Variants in MCM3AP observed in about 807,000 individuals in gnomAD.
MCM3AP encodes germinal-center associated nuclear protein.
Under a neutral mutation model 184.1 loss-of-function variants are expected in MCM3AP, and 126 were observed. The ratio of observed to expected loss-of-function variants is 0.68; its 90% CI spans 0.59 to 0.79. MCM3AP has a LOEUF of 0.79. MCM3AP is among the 30% of genes least tolerant of loss of function. The pLI is 0.00. For synonymous variants in MCM3AP, 1,002 were observed against 979.3 expected, an observed-to-expected ratio of 1.02 and a Z score of -0.43; for missense variants, 2,496 against 2,479.2, an observed-to-expected ratio of 1.01 and a Z score of -0.14.
intron 24 of MCM3AP, 41 bp from the exon 25 acceptor site, chr21:46,242,972 G>A: frequency 1.4e-6 from 2 of 1,460,850 alleles, no homozygotes; most frequent in Non-Finnish European, 1.8e-6. Context: ...GGCCAGCCTG[G>A]CCAACCCTGT....
At chr21:46,264,517 G>C (rs1423206598) in intron 12 of MCM3AP, among the ~76,000 whole-genome samples, 1 of 152,196 alleles carries the variant, frequency 6.6e-6, no homozygotes, top group Admixed American at 6.5e-5. Context: ...CTGATCCCCA[G>C]ATGGGCTGGT....
At chr21:46,263,780 CAAAAAAAAAAAAAAAAAAAA>C (rs57674256) in intron 13 of MCM3AP, among the ~76,000 whole-genome samples, 2 of 28,316 alleles carry the variant, frequency 7.1e-5, no homozygotes, top group African/African-American at 1.8e-4. Context: ...GACTCCATCT[CAAAAAAAAAAAAAAAAAAAA>C]AAAAAAAAAA....
intron 2 of MCM3AP, among the ~76,000 whole-genome samples, chr21:46,281,564 G>T (rs868079780): frequency 2.0e-5 from 3 of 152,160 alleles, no homozygotes; most frequent in Middle Eastern, 3.2e-3. Flanking sequence ...GCTCATGCCC[G>T]TTATCCTAGC....
At chr21:46,256,521 CAG>C in intron 17 of MCM3AP, 1 of 510,444 alleles carries the variant, frequency 2.0e-6, no homozygotes, top group African/African-American at 1.9e-5. Flanking sequence ...ACACGTGATG[CAG>C]AGTCAGACTC....
intron 2 of MCM3AP, 96 bp downstream of exon 2, chr21:46,283,519 A>G: frequency 1.4e-6 from 1 of 735,330 alleles, no homozygotes; most frequent in Non-Finnish European, 2.3e-6. Context: ...TCTATATTAT[A>G]GTAAGCAAAC....
chr21:46,239,283 C>T (rs1379769022), intron 26 of MCM3AP, among the ~76,000 whole-genome samples: 2 of 152,208 alleles, frequency 1.3e-5, no homozygotes, highest in Non-Finnish European at 1.5e-5. Flanking sequence ...GCAAGTGACA[C>T]GACCTCCATC....
intron 27 of MCM3AP, 47 bp from the exon 28 acceptor site, chr21:46,235,473 C>G (rs564371555): frequency 8.5e-6 from 13 of 1,521,914 alleles, no homozygotes; most frequent in Non-Finnish European, 1.2e-5. Context: ...TGTCAATAAA[C>G]CACGACCTAT....
chr21:46,264,070 A>C, intron 13 of MCM3AP, 47 bp downstream of exon 13: 1 of 1,332,088 alleles, frequency 7.5e-7, no homozygotes, highest in Admixed American at 1.8e-5. Flanking sequence ...GACTGGGTGC[A>C]GCTCCCCGCA....
chr21:46,270,177 C>T, intron 9 of MCM3AP: 1 of 393,932 alleles, frequency 2.5e-6, no homozygotes, highest in Non-Finnish European at 4.5e-6. Flanking sequence ...CTTATTTGAA[C>T]CATGGAACAG....
chr21:46,262,304 T>G (rs1189584155), intron 13 of MCM3AP, among the ~76,000 whole-genome samples: 1 of 152,244 alleles, frequency 6.6e-6, no homozygotes, highest in Admixed American at 6.5e-5. Flanking sequence ...ACTCATTTTA[T>G]GAGGCTAGCA....
At chr21:46,273,287 T>C (rs2081207050) in intron 7 of MCM3AP, 101 bp downstream of exon 7, 1 of 1,189,656 alleles carries the variant, frequency 8.4e-7, no homozygotes, top group Non-Finnish European at 1.2e-6. Flanking sequence ...CAAAAGTACA[T>C]TTTTGTTACA....
rs1197608324 is a variant in MCM3AP, at chr21:46,277,523, AT to A, written c.1858+3del. On this transcript the variant is annotated splice_donor_region_variant and intron_variant, in intron 5 of 27. Transcript: ENST00000291688. ...CCTAGAACCTCTGCCACCAAGTGCC[AT>A]ACCTTGCCGCATGATCCTGTCTCTC... is the stretch of plus-strand genomic sequence containing the variant. The A allele has an allele frequency of 6.4e-7, 1 of 1,561,770 alleles. No homozygotes were observed. The highest frequency in any genetic ancestry group is 2.3e-5 in the East Asian group (1 of 42,714).
chr21:46,242,742 T>C, intron 25 of MCM3AP, 60 bp downstream of exon 25: 1 of 1,547,582 alleles, frequency 6.5e-7, no homozygotes, highest in Non-Finnish European at 8.7e-7. Context: ...AATTTCTATT[T>C]ACTTTGCAAG....
In MCM3AP at chr21:46,283,835, G is replaced by C. The variant is rs1601551549; in HGVS notation, c.1223C>G (p.Ser408Cys). 1 of 1,611,204 alleles carries C rather than the reference G, an allele frequency of 6.2e-7. No individual in the cohort carries two copies. Among genetic ancestry groups the C allele is most frequent in the South Asian group, 1.1e-5 (1 of 90,978 alleles). ...ETESREKKEDSLRGTPARQSN... is the reference protein window; with the variant it reads ...ETESREKKEDCLRGTPARQSN... ...CTGACGCGCCGGAGTTCCTCTTAGA[G>C]AATCTAGGGGTTCAGAGAATGGACA... is the stretch of plus-strand genomic sequence containing the variant. The change falls in exon 2 of 28, where the codon TCT becomes TGT. Residue 408 changes from serine to cysteine, a missense_variant. Physicochemically the swap from Ser to Cys is moderately radical, Grantham distance 112. Transcript: ENST00000291688.
chr21:46,278,825 C>T (rs2081287041), intron 4 of MCM3AP, among the ~76,000 whole-genome samples: 1 of 151,886 alleles, frequency 6.6e-6, no homozygotes, highest in Non-Finnish European at 1.5e-5. Context: ...AGGCACCTGC[C>T]ACCATGCCCG....
chr21:46,283,842 G>A lies in MCM3AP; in HGVS notation c.1220-4C>T, dbSNP rs760793982. ...GCCGGAGTTCCTCTTAGAGAATCTA[G>A]GGGTTCAGAGAATGGACACTTAAAC... On this transcript the variant is annotated splice_polypyrimidine_tract_variant and splice_region_variant and intron_variant, in intron 1 of 27. Transcript: ENST00000291688. The A allele has an allele frequency of 1.5e-5, 24 of 1,609,448 alleles. No individual in the cohort carries two copies. Among genetic ancestry groups the A allele is most frequent in the African/African-American group, 2.7e-5 (2 of 74,796 alleles).
At chr21:46,246,285 AT>A in intron 22 of MCM3AP, 21 bp downstream of exon 22, 1 of 1,448,346 alleles carries the variant, frequency 6.9e-7, no homozygotes, top group Admixed American at 1.7e-5. Flanking sequence ...TTGACAGACC[AT>A]TAAAAATGAT....
Position 46,254,393 on chromosome 21 carries a change from T to G in MCM3AP, c.4135A>C (p.Arg1379=). The G allele has an allele frequency of 6.2e-7, 1 of 1,614,192 alleles. No homozygotes were observed. Among genetic ancestry groups the G allele is most frequent in the Non-Finnish European group, 8.5e-7 (1 of 1,180,044 alleles). The change falls in exon 19 of 28, where the codon AGA becomes CGA. Residue 1379 remains arginine (R), a splice_region_variant and synonymous_variant. Coordinates refer to ENST00000291688, the MANE Select transcript of MCM3AP (RefSeq NM_003906.5). ...CCACAGGGGAAAACCCTTCCTGACCTGCCACAACTCTCTGGGGACTGCTCC... is the reference window on the plus strand; with the variant it reads ...CCACAGGGGAAAACCCTTCCTGACCGGCCACAACTCTCTGGGGACTGCTCC... ...VEEQSPESCG[R]ILANWLKVKF...
rs1233091929 is a variant in MCM3AP, at chr21:46,243,696, C to T, written c.5065G>A (p.Val1689Ile). 6.2e-7 allele frequency: 1 copy of T among 1,614,138 alleles called. No homozygotes were observed. The highest frequency in any genetic ancestry group is 8.5e-7 in the Non-Finnish European group (1 of 1,180,036). ...GGGATCTGGGAGGCGTACTGGACAA[C>T]CATGGAGCACACGGGGAGCCAGGGG... The part of the protein sequence containing the change: ...GAPWLPVCSM[V>I]VQYASQIPSS... Residue 1689 changes from valine (V) to isoleucine (I), a missense_variant, in exon 24 of 28, where the codon GTT becomes ATT. By Grantham distance (29) the Val-to-Ile change is conservative. This residue lies in a region of MCM3AP where 1,323 missense variants were observed against 1,273.4 expected (regional missense o/e 1.04). Transcript: ENST00000291688.
Sources: allele counts gnomAD v4.1 joint callset (sites outside exome capture counted in the v4.1 genomes callset), GRCh38; gene constraint gnomAD v4.1.1; regional missense constraint gnomAD v4.1.1; transcripts MANE v1.5; gene names NCBI Gene and HGNC (gene_info 2026-07-23, HGNC 2026-07-21).